ABCA10: variants seen among roughly 807,000 people sequenced by gnomAD.
ABCA10 encodes ATP binding cassette subfamily A member 10, also known as ATP-binding cassette sub-family A member 10.
Under a neutral mutation model 187.5 loss-of-function variants are expected in ABCA10, and 169 were observed. The observed-to-expected ratio is 0.90, with a 90% CI of 0.80 to 1.02. ABCA10 has a LOEUF of 1.02. ABCA10 is among the 50% of genes least tolerant of loss of function. The pLI is 0.00. For synonymous variants in ABCA10, 574 were observed against 601.8 expected (o/e 0.95, Z 0.68); for missense variants, 1,727 against 1,812.4 (o/e 0.95, Z 0.86).
chr17:69,236,923 C>A (rs572081592), intron 1 of ABCA10, among the ~76,000 whole-genome samples: 2 of 152,170 alleles, frequency 1.3e-5, no homozygotes, highest in South Asian at 4.2e-4. Flanking sequence ...GGTTAAGATA[C>A]CCTGTATTAA....
chr17:69,151,651 G>A (rs982403575), intron 36 of ABCA10, among the ~76,000 whole-genome samples: 2 of 152,150 alleles, frequency 1.3e-5, no homozygotes, highest in Non-Finnish European at 2.9e-5. Context: ...TCTCAAGCAT[G>A]GAAGTCTGTG....
intron 9 of ABCA10, among the ~76,000 whole-genome samples, chr17:69,209,411 C>A (rs1472386567): frequency 6.6e-6 from 1 of 152,126 alleles, no homozygotes; most frequent in Non-Finnish European, 1.5e-5. Context: ...CTCATATGAA[C>A]ATGTTACATC....
chr17:69,227,787 G>A (rs1413240476), intron 1 of ABCA10, among the ~76,000 whole-genome samples: 2 of 151,898 alleles, frequency 1.3e-5, no homozygotes, highest in East Asian at 1.9e-4. Flanking sequence ...AAGCAAAGTC[G>A]AAAACATTAC....
At chr17:69,231,934 G>A (rs887326703), upstream of ABCA10, among the ~76,000 whole-genome samples, 1 of 151,952 alleles carries the variant, frequency 6.6e-6, no homozygotes, top group East Asian at 1.9e-4. Flanking sequence ...GTACTCTTAT[G>A]TTGAGTACAT....
At chr17:69,229,955 A>G (rs1424347849), upstream of ABCA10, among the ~76,000 whole-genome samples, 1 of 152,038 alleles carries the variant, frequency 6.6e-6, no homozygotes, top group East Asian at 1.9e-4. Flanking sequence ...AATTGCTGTG[A>G]TTTGAATGTC....
chr17:69,230,971 T>C (rs762349298), upstream of ABCA10, among the ~76,000 whole-genome samples: 1 of 152,144 alleles, frequency 6.6e-6, no homozygotes, highest in Non-Finnish European at 1.5e-5. Context: ...TACCTTATCT[T>C]ATAAAATATC....
At chr17:69,174,442 G>C in intron 24 of ABCA10, 48 bp from the exon 25 acceptor site, 1 of 1,501,032 alleles carries the variant, frequency 6.7e-7, no homozygotes. Flanking sequence ...GCAGGTCATA[G>C]AGGGAAAGAG....
At chr17:69,213,953 A>C (rs528299268) in intron 9 of ABCA10, among the ~76,000 whole-genome samples, 9 of 152,218 alleles carry the variant, frequency 5.9e-5, no homozygotes, top group Non-Finnish European at 1.2e-4. Flanking sequence ...ATAATCCATT[A>C]ACTTCATATT....
chr17:69,223,793 A>T, intron 3 of ABCA10: 1 of 325,100 alleles, frequency 3.1e-6, no homozygotes, highest in East Asian at 1.0e-4. Flanking sequence ...AGAATAAGAC[A>T]GTGAGAGAGG....
At chr17:69,226,386 C>T (rs551043976) in intron 2 of ABCA10, among the ~76,000 whole-genome samples, 4 of 152,022 alleles carry the variant, frequency 2.6e-5, no homozygotes, top group African/African-American at 7.2e-5. Context: ...AATATTTGAT[C>T]GAACTGCTTC....
At chr17:69,232,256 G>A (rs2074837032), upstream of ABCA10, among the ~76,000 whole-genome samples, 1 of 152,012 alleles carries the variant, frequency 6.6e-6, no homozygotes, top group African/African-American at 2.4e-5. Flanking sequence ...ATTGATAGAT[G>A]AGGGCTTACT....
At position 69,201,680 on chromosome 17, in the gene ABCA10, A is replaced by C. The variant is rs2074546602; in HGVS notation, c.1007-12T>G. The C allele has an allele frequency of 6.3e-7, 1 of 1,578,644 alleles. No homozygotes were observed. The highest frequency in any genetic ancestry group is 8.6e-7 in the Non-Finnish European group (1 of 1,161,458). ...ATGGCCATCTTTATCTAATTAATTA[A>C]GATACAATTACATATTGCATCAATT... On this transcript the variant is annotated splice_polypyrimidine_tract_variant and intron_variant, in intron 9 of 38. Transcript: ENST00000690296.
In ABCA10 at chr17:69,172,225, A is replaced by C. The variant is rs370445269; in HGVS notation, c.3162+2056T>G. ...GCTTTGTTAAGTTTAGCACATAAAA[A>C]ATTTTTCAGGGGTGTTATGGGCTGA... is the stretch of plus-strand genomic sequence containing the variant. On this transcript the variant is annotated intron_variant, in intron 25 of 38. Transcript: ENST00000690296. Among the ~76,000 whole-genome samples, 27 of 152,108 alleles carry C rather than the reference A, an allele frequency of 1.8e-4. No homozygotes were observed. The East Asian group carries it at 1.9e-3, about 11-fold the overall frequency.
intron 9 of ABCA10, among the ~76,000 whole-genome samples, chr17:69,203,767 C>T (rs1049893805): frequency 3.0e-4 from 45 of 151,990 alleles, no homozygotes; most frequent in African/African-American, 9.9e-4. Context: ...TTTGTACAAA[C>T]GATAGTTCAA....
intron 8 of ABCA10, 60 bp from the exon 9 acceptor site, chr17:69,214,911 T>A: frequency 3.9e-6 from 5 of 1,295,874 alleles, no homozygotes; most frequent in Non-Finnish European, 5.2e-6. Context: ...ATAAAACAAT[T>A]TTTTTTAAAA....
intron 36 of ABCA10, among the ~76,000 whole-genome samples, chr17:69,151,779 G>C (rs1013689830): frequency 1.3e-5 from 2 of 152,222 alleles, no homozygotes; most frequent in African/African-American, 4.8e-5. Context: ...TCTGTACTTT[G>C]TTCTTAATCT....
intron 25 of ABCA10, among the ~76,000 whole-genome samples, chr17:69,172,321 A>T (rs1568055048): frequency 6.6e-6 from 1 of 152,180 alleles, no homozygotes; most frequent in African/African-American, 2.4e-5. Context: ...TATATTTAGA[A>T]ATAGTCTCTA....
chr17:69,154,390 T>C (rs550169566), intron 30 of ABCA10, 64 bp from the exon 31 acceptor site: 12 of 1,234,812 alleles, frequency 9.7e-6, no homozygotes, highest in Admixed American at 6.8e-5. Context: ...AATTGCTTGG[T>C]TGGTTGCATA....
intron 9 of ABCA10, 118 bp from the exon 10 acceptor site, chr17:69,201,786 ATTT>A (rs1166187993): frequency 8.9e-5 from 82 of 920,200 alleles, no homozygotes; most frequent in African/African-American, 6.4e-4. Context: ...GGGCATTTAT[ATTT>A]ATAATTTTTT....
Sources: gnomAD v4.1 joint callset for allele counts (sites outside exome capture counted in the v4.1 genomes callset) on GRCh38, gnomAD v4.1.1 for gene constraint, MANE v1.5 for transcripts, NCBI Gene and HGNC (gene_info 2026-07-23, HGNC 2026-07-21) for gene names.